The following COBL variants were observed in gnomAD, a reference collection of about 807,000 sequenced individuals.
COBL encodes the protein protein cordon-bleu.
Under a neutral mutation model 98.8 loss-of-function variants are expected in COBL, and 51 were observed. That is an observed-to-expected ratio of 0.52 (90% CI 0.41 to 0.65). The LOEUF is 0.65. Among genes scored for constraint, COBL ranks in the 30% least tolerant of loss-of-function variants. The pLI is 0.00. For missense variants in COBL, 1,617 were observed against 1,617.5 expected (o/e 1.00, Z 0.01); for synonymous variants, 634 against 651.7 (o/e 0.97, Z 0.41).
intron 6 of COBL, among the ~76,000 whole-genome samples, chr7:51,117,284 T>C (rs576676940): frequency 4.1e-4 from 62 of 152,140 alleles, no homozygotes; most frequent in African/African-American, 1.4e-3. Context: ...GCCCTTGTTT[T>C]TTCAAATATT....
At chr7:51,287,156 A>G (rs1475065687) in intron 1 of COBL, among the ~76,000 whole-genome samples, 1 of 152,096 alleles carries the variant, frequency 6.6e-6, no homozygotes, top group Non-Finnish European at 1.5e-5. Flanking sequence ...CACTACCTGG[A>G]TAATAGGATC....
chr7:51,262,655 C>T (rs1262723604), intron 1 of COBL, among the ~76,000 whole-genome samples: 4 of 152,164 alleles, frequency 2.6e-5, no homozygotes, highest in Middle Eastern at 3.2e-3. Flanking sequence ...ATCACATGGA[C>T]GTCTGGGGCA....
intron 1 of COBL, among the ~76,000 whole-genome samples, chr7:51,239,537 A>G (rs1390237684): frequency 6.6e-6 from 1 of 152,150 alleles, no homozygotes; most frequent in East Asian, 1.9e-4. Context: ...AAAATGGCCA[A>G]CCAGGACTCG....
At chr7:51,307,636 A>T (rs150036466) in intron 1 of COBL, among the ~76,000 whole-genome samples, 10 of 152,356 alleles carry the variant, frequency 6.6e-5, no homozygotes, top group Admixed American at 2.6e-4. Context: ...AATAATAAGG[A>T]AATATTCCAA....
chr7:51,314,151 C>T (rs1803314512), intron 1 of COBL, among the ~76,000 whole-genome samples: 1 of 152,208 alleles, frequency 6.6e-6, no homozygotes, highest in Non-Finnish European at 1.5e-5. Context: ...TATCTCCCTT[C>T]AGTAATCTTC....
intron 7 of COBL, among the ~76,000 whole-genome samples, chr7:51,060,392 T>C (rs1791210073): frequency 6.6e-6 from 1 of 152,204 alleles, no homozygotes; most frequent in Admixed American, 6.5e-5. Context: ...AGGAACTCGC[T>C]TCCCAGCCAA....
At chr7:51,283,958 C>G (rs924592765) in intron 1 of COBL, among the ~76,000 whole-genome samples, 31 of 151,828 alleles carry the variant, frequency 2.0e-4, no homozygotes, top group Admixed American at 1.8e-3. Flanking sequence ...AATACAGATG[C>G]AAAATTCCTC....
intron 6 of COBL, among the ~76,000 whole-genome samples, chr7:51,122,358 G>C (rs1010301576): frequency 1.3e-5 from 2 of 152,184 alleles, no homozygotes; most frequent in Non-Finnish European, 2.9e-5. Flanking sequence ...CAGGTTCCCA[G>C]GGATGTTTGT....
intron 6 of COBL, among the ~76,000 whole-genome samples, chr7:51,094,224 A>G (rs1008186259): frequency 6.6e-6 from 1 of 151,968 alleles, no homozygotes; most frequent in Non-Finnish European, 1.5e-5. Flanking sequence ...GAAGCTGAGG[A>G]GTAGAGGAGA....
intron 7 of COBL, among the ~76,000 whole-genome samples, chr7:51,062,406 A>G (rs978434607): frequency 1.1e-4 from 17 of 152,128 alleles, no homozygotes; most frequent in Non-Finnish European, 1.9e-4. Flanking sequence ...CCCCTGAGTC[A>G]CAGCATGACT....
intron 1 of COBL, among the ~76,000 whole-genome samples, chr7:51,235,593 G>A (rs1354814475): frequency 2.6e-5 from 4 of 152,146 alleles, no homozygotes; most frequent in Admixed American, 6.5e-5. Flanking sequence ...GCCAAGCACC[G>A]GAAACAGCCG....
intron 6 of COBL, among the ~76,000 whole-genome samples, chr7:51,119,583 G>C (rs893552352): frequency 3.3e-5 from 5 of 152,186 alleles, no homozygotes; most frequent in African/African-American, 1.2e-4. Context: ...AAGTTTTTAA[G>C]AGGAAAAACA....
intron 1 of COBL, among the ~76,000 whole-genome samples, chr7:51,234,067 T>C (rs1191533895): frequency 6.6e-6 from 1 of 152,226 alleles, no homozygotes; most frequent in African/African-American, 2.4e-5. Context: ...TGTGAAAATA[T>C]GCAGAAATAA....
At chr7:51,086,549 C>T (rs888152903) in intron 6 of COBL, among the ~76,000 whole-genome samples, 1 of 151,742 alleles carries the variant, frequency 6.6e-6, no homozygotes, top group Admixed American at 6.6e-5. Flanking sequence ...GACCTTGGTG[C>T]TCTCTGGTTT....
chr7:51,279,129 G>A (rs143547492), intron 1 of COBL, among the ~76,000 whole-genome samples: 257 of 152,372 alleles, frequency 1.7e-3, no homozygotes, highest in African/African-American at 5.9e-3. Context: ...GTGATACACA[G>A]AGAGGCTGCC....
chr7:51,249,095 G>A (rs1796511324), intron 1 of COBL, among the ~76,000 whole-genome samples: 1 of 152,046 alleles, frequency 6.6e-6, no homozygotes, highest in Non-Finnish European at 1.5e-5. Flanking sequence ...TTAAATGATG[G>A]AACTTTTGAA....
intron 2 of COBL, among the ~76,000 whole-genome samples, chr7:51,198,068 G>A (rs1324021044): frequency 6.6e-6 from 1 of 152,148 alleles, no homozygotes; most frequent in Non-Finnish European, 1.5e-5. Flanking sequence ...GATGTTAGCT[G>A]GTTATTTTGC....
At chr7:51,045,580 T>A (rs988572664) in intron 7 of COBL, among the ~76,000 whole-genome samples, 1 of 152,158 alleles carries the variant, frequency 6.6e-6, no homozygotes, top group African/African-American at 2.4e-5. Context: ...CCAGGGATTA[T>A]CGCTGAGGCG....
chr7:51,044,920 A>G (rs1305663369), intron 7 of COBL, among the ~76,000 whole-genome samples: 6 of 152,264 alleles, frequency 3.9e-5, no homozygotes, highest in African/African-American at 1.4e-4. Context: ...ACAACAGTTT[A>G]AAGAATATAC....
Sources: gnomAD v4.1 joint callset for allele counts (sites outside exome capture counted in the v4.1 genomes callset) on GRCh38, gnomAD v4.1.1 for gene constraint, MANE v1.5 for transcripts, NCBI Gene and HGNC (gene_info 2026-07-23, HGNC 2026-07-21) for gene names.